TENT2: variants seen among roughly 807,000 people sequenced by gnomAD.
The protein encoded by TENT2 is poly(A) RNA polymerase GLD2.
A neutral mutation model predicts 72.2 loss-of-function variants in TENT2; 44 were observed. That is an observed-to-expected ratio of 0.61 (90% CI 0.48 to 0.78). The LOEUF (loss-of-function observed/expected upper bound fraction) is 0.78, where lower values mean the gene tolerates loss of function less well. Ranked by LOEUF, TENT2 falls within the 30% of genes least tolerant of loss-of-function variation. The pLI, the probability that TENT2 is intolerant of heterozygous loss-of-function variation, is 0.00. For synonymous variants in TENT2, 212 were observed against 192.5 expected, an observed-to-expected ratio of 1.10 and a Z score of -0.84; for missense variants, 541 against 569.6, an observed-to-expected ratio of 0.95 and a Z score of 0.51.
At chr5:79,649,964 G>A (rs1424881849) in intron 10 of TENT2, among the ~76,000 whole-genome samples, 1 of 152,130 alleles carries the variant, frequency 6.6e-6, no homozygotes, top group East Asian at 1.9e-4. Flanking sequence ...AAAGATGGAT[G>A]CATCTACTGT....
At chr5:79,631,904 AG>A (rs1467648196) in intron 4 of TENT2, among the ~76,000 whole-genome samples, 1 of 152,222 alleles carries the variant, frequency 6.6e-6, no homozygotes, top group Non-Finnish European at 1.5e-5. Flanking sequence ...GGATAGGTAT[AG>A]ATACAGGGAA....
At chr5:79,673,979 A>T (rs1360252181) in intron 12 of TENT2, among the ~76,000 whole-genome samples, 1 of 152,228 alleles carries the variant, frequency 6.6e-6, no homozygotes, top group Non-Finnish European at 1.5e-5. Context: ...AATGCAAGGG[A>T]TAAAGGAATA....
intron 6 of TENT2, among the ~76,000 whole-genome samples, chr5:79,642,327 G>A (rs184228233): frequency 1.3e-5 from 2 of 152,076 alleles, no homozygotes. Flanking sequence ...AAACAGTGGA[G>A]AGTACAAGGG....
intron 4 of TENT2, among the ~76,000 whole-genome samples, chr5:79,639,995 A>G (rs1354948602): frequency 6.6e-6 from 1 of 152,034 alleles, no homozygotes; most frequent in African/African-American, 2.4e-5. Context: ...GATGGCTCAC[A>G]CCTGTAATCC....
At chr5:79,672,692 A>G (rs1211343513) in intron 12 of TENT2, among the ~76,000 whole-genome samples, 1 of 152,170 alleles carries the variant, frequency 6.6e-6, no homozygotes, top group Non-Finnish European at 1.5e-5. Flanking sequence ...ACCACCTATT[A>G]TTTATCCATT....
chr5:79,670,661 A>G (rs1812340560), intron 12 of TENT2, among the ~76,000 whole-genome samples: 1 of 151,762 alleles, frequency 6.6e-6, no homozygotes, highest in Admixed American at 6.6e-5. Context: ...GAAAGATTAA[A>G]GACTGGATGA....
At chr5:79,669,050 G>T (rs754306689) in intron 12 of TENT2, 22 bp downstream of exon 12, 7 of 1,604,216 alleles carry the variant, frequency 4.4e-6, no homozygotes, top group Admixed American at 3.3e-5. Flanking sequence ...TTTAAATTGT[G>T]TTTGTTCACT....
intron 10 of TENT2, among the ~76,000 whole-genome samples, 200 bp downstream of exon 10, chr5:79,649,390 T>TG: frequency 6.6e-6 from 1 of 152,046 alleles, no homozygotes; most frequent in Non-Finnish European, 1.5e-5. Flanking sequence ...TTCACTGTTT[T>TG]TTTTTTTATT....
At chr5:79,653,927 C>T (rs1257901311) in intron 10 of TENT2, among the ~76,000 whole-genome samples, 3 of 152,132 alleles carry the variant, frequency 2.0e-5, no homozygotes, top group East Asian at 1.9e-4. Flanking sequence ...ATGACCTTTA[C>T]GTTTTGTTTA....
intron 6 of TENT2, among the ~76,000 whole-genome samples, 153 bp downstream of exon 6, chr5:79,641,349 A>G (rs537438523): frequency 6.6e-6 from 1 of 151,468 alleles, no homozygotes; most frequent in African/African-American, 2.4e-5. Context: ...GTAATTTTTT[A>G]TTTTTAAGGC....
chr5:79,622,066 TGAGGTGGGCA>T (rs1765497306), intron 3 of TENT2, among the ~76,000 whole-genome samples: 1 of 152,136 alleles, frequency 6.6e-6, no homozygotes, highest in African/African-American at 2.4e-5. Flanking sequence ...TTTGGGAGGC[TGAGGTGGGCA>T]GGTCATTTGA....
chr5:79,635,731 T>G (rs1042814778), intron 4 of TENT2, among the ~76,000 whole-genome samples: 1 of 152,256 alleles, frequency 6.6e-6, no homozygotes, highest in African/African-American at 2.4e-5. Context: ...ATTTTTTGTA[T>G]TTTAGTAGAG....
At chr5:79,626,555 C>T (rs947694751) in intron 4 of TENT2, among the ~76,000 whole-genome samples, 1 of 151,942 alleles carries the variant, frequency 6.6e-6, no homozygotes, top group East Asian at 2.0e-4. Flanking sequence ...GATCCACCCT[C>T]CTTGGCCTCC....
In TENT2 at chr5:79,642,924, G is replaced by A. The variant is rs751555715; in HGVS notation, c.751+14G>A. 6.8e-6 allele frequency: 11 copies of A among 1,605,988 alleles called. No individual in the cohort carries two copies. The East Asian group carries it at 2.0e-4, about 29-fold the overall frequency. On this transcript the variant is annotated intron_variant, in intron 7 of 14. Coordinates refer to ENST00000453514, the MANE Select transcript of TENT2 (RefSeq NM_001114394.3). ...GTACTAGACTTTGTAAGTCTGACATGCCTCAAGTTTGTATGTCACCTGACG... is the reference window on the plus strand; with the variant it reads ...GTACTAGACTTTGTAAGTCTGACATACCTCAAGTTTGTATGTCACCTGACG...
In TENT2 at chr5:79,687,528, A is replaced by T. The variant is rs747266256; in HGVS notation, c.*2255A>T. 2.0e-5 allele frequency among the ~76,000 whole-genome samples: 3 copies of T among 152,178 alleles called. No homozygotes were observed. Among genetic ancestry groups the T allele is most frequent in the Non-Finnish European group, 4.4e-5 (3 of 68,024 alleles). ...CTTTAAATCATCTCTAAATTACCTG[A>T]TACGTAATACAATGTAAATGCTATG... On this transcript the variant is annotated 3_prime_UTR_variant, in exon 15 of 15. Coordinates refer to ENST00000453514, the MANE Select transcript of TENT2 (RefSeq NM_001114394.3).
intron 13 of TENT2, 109 bp from the exon 14 acceptor site, chr5:79,681,873 A>G (rs755635787): frequency 1.4e-4 from 123 of 883,012 alleles, no homozygotes; most frequent in Non-Finnish European, 1.9e-4. Flanking sequence ...TGAAATTGCA[A>G]TTTTTGTAGG....
At chr5:79,634,133 C>T (rs1332839007) in intron 4 of TENT2, among the ~76,000 whole-genome samples, 2 of 135,330 alleles carry the variant, frequency 1.5e-5, no homozygotes, top group Non-Finnish European at 3.1e-5. Context: ...CCAGCCTGGG[C>T]AACAGAGTGA....
intron 3 of TENT2, chr5:79,620,448 CAA>C (rs1416245027): frequency 1.3e-5 from 2 of 159,806 alleles, no homozygotes; most frequent in African/African-American, 4.8e-5. Flanking sequence ...GTTGCCATAA[CAA>C]CGTACCACAC....
At chr5:79,682,736 C>G (rs1005997312) in intron 14 of TENT2, among the ~76,000 whole-genome samples, 7 of 152,226 alleles carry the variant, frequency 4.6e-5, no homozygotes, top group Non-Finnish European at 7.4e-5. Flanking sequence ...ATGTATACCC[C>G]ACTGTCACAG....
Sources: gnomAD v4.1 joint callset for allele counts (sites outside exome capture counted in the v4.1 genomes callset) on GRCh38, gnomAD v4.1.1 for gene constraint, MANE v1.5 for transcripts, NCBI Gene and HGNC (gene_info 2026-07-23, HGNC 2026-07-21) for gene names.